The following WIPF3 variants were observed in gnomAD, a reference collection of about 807,000 sequenced individuals.
The protein encoded by WIPF3 is WAS/WASL-interacting protein family member 3.
A neutral mutation model predicts 38.9 loss-of-function variants in WIPF3; 33 were observed. The ratio of observed to expected loss-of-function variants is 0.85; its 90% CI spans 0.64 to 1.14. The LOEUF (loss-of-function observed/expected upper bound fraction) is 1.14, where lower values mean the gene tolerates loss of function less well. WIPF3 is among the 50% of genes most tolerant of loss of function. WIPF3 has a pLI of 0.00. For synonymous variants in WIPF3, 324 were observed against 269.3 expected, an observed-to-expected ratio of 1.20 and a Z score of -1.99; for missense variants, 711 against 652.5, an observed-to-expected ratio of 1.09 and a Z score of -0.98.
At chr7:29,816,711 GC>G (rs1017059222) in intron 1 of WIPF3, among the ~76,000 whole-genome samples, 29 of 152,114 alleles carry the variant, frequency 1.9e-4, no homozygotes, top group Middle Eastern at 3.4e-3. Context: ...TACATACAGG[GC>G]TGCCATATTC....
intron 1 of WIPF3, among the ~76,000 whole-genome samples, chr7:29,817,868 A>T (rs1784480339): frequency 6.6e-6 from 1 of 152,216 alleles, no homozygotes; most frequent in Non-Finnish European, 1.5e-5. Flanking sequence ...CCTTAAATTT[A>T]TACATTAATA....
At chr7:29,910,078 G>A (rs1464230801) in intron 8 of WIPF3, among the ~76,000 whole-genome samples, 1 of 152,084 alleles carries the variant, frequency 6.6e-6, no homozygotes, top group Admixed American at 6.5e-5. Context: ...ATAACTCAAA[G>A]AATATAACTG....
rs1443830601 is a variant in WIPF3, at chr7:29,806,512, G to C, written c.-224G>C. The stretch of plus-strand genomic sequence containing the variant: ...CCGCCTCCGCGTCCCGGCAGCACCA[G>C]AGCCGGTGGCCGGGGAGCGAGCCGG... On this transcript the variant is annotated 5_prime_UTR_variant, in exon 1 of 9. Transcript: ENST00000242140. 6.6e-6 allele frequency: 1 copy of C among 151,440 alleles called. No individual in the cohort carries two copies. Among genetic ancestry groups the C allele is most frequent in the Non-Finnish European group, 1.5e-5 (1 of 67,822 alleles). 9.4% of individuals were successfully genotyped at this position (151,440 alleles called of 1,614,324 possible).
In WIPF3 at chr7:29,833,084, G is replaced by T. The variant is rs532603155; in HGVS notation, c.-57-1584G>T. On this transcript the variant is annotated intron_variant, in intron 1 of 8. Coordinates refer to ENST00000242140, the MANE Select transcript of WIPF3 (RefSeq NM_001080529.3). ...AGACTCAAACGGACAAATGTTGTAT[G>T]GTTCCACATATATGAGGTACCTAGA... 1.3e-4 allele frequency among the ~76,000 whole-genome samples: 20 copies of T among 152,314 alleles called. No homozygotes were observed. The South Asian group carries it at 4.1e-3, about 32-fold the overall frequency.
At position 29,901,850 on chromosome 7, in the gene WIPF3, GAAAGAAAGAAAGA is replaced by G. The variant is rs1786286753; in HGVS notation, c.1352-2424_1352-2412del. ...CAAAAAAAAAAAAAAAAAAAAAAAA[GAAAGAAAGAAAGA>G]AAAGAAAGAAAACCAGTGGGAATTG... On this transcript the variant is annotated intron_variant, in intron 7 of 8. Coordinates refer to ENST00000242140, the MANE Select transcript of WIPF3 (RefSeq NM_001080529.3). Among the ~76,000 whole-genome samples, 42 of 28,312 alleles carry G rather than the reference GAAAGAAAGAAAGA, an allele frequency of 1.5e-3. 1 individual carries two copies. The South Asian group carries it at 0.049, about 33-fold the overall frequency. 18.6% of individuals were successfully genotyped at this position (28,312 alleles called of 152,430 possible).
intron 2 of WIPF3, among the ~76,000 whole-genome samples, chr7:29,849,072 C>G (rs1785048950): frequency 6.6e-6 from 1 of 152,038 alleles, no homozygotes; most frequent in Admixed American, 6.6e-5. Flanking sequence ...GTTCATAAGT[C>G]ATCTGCTTGA....
chr7:29,904,118 T>A (rs185159560), intron 7 of WIPF3, among the ~76,000 whole-genome samples, 168 bp from the exon 8 acceptor site: 71 of 152,332 alleles, frequency 4.7e-4, no homozygotes, highest in Admixed American at 2.2e-3. Context: ...CTCTTCTGCA[T>A]CCATGGTCTT....
At chr7:29,831,218 A>G (rs1170118030) in intron 1 of WIPF3, among the ~76,000 whole-genome samples, 1 of 152,222 alleles carries the variant, frequency 6.6e-6, no homozygotes, top group Non-Finnish European at 1.5e-5. Flanking sequence ...CTTAAGCCCA[A>G]GAAGGCCGTG....
intron 2 of WIPF3, among the ~76,000 whole-genome samples, chr7:29,861,366 A>T (rs78965810): frequency 0.018 from 2,755 of 152,282 alleles, 88 homozygotes; most frequent in African/African-American, 0.064. Context: ...CCATGAACAT[A>T]TGGACATAAC....
rs535336451 is a variant in WIPF3 at position 29,857,040 on chromosome 7, G to A, written c.91-18790G>A. Among the ~76,000 whole-genome samples, 3 of 152,242 alleles carry A rather than the reference G, an allele frequency of 2.0e-5. No individual in the cohort carries two copies. In the South Asian group the frequency reaches 6.2e-4, roughly 32 times the overall value. On this transcript the variant is annotated intron_variant, in intron 2 of 8. Coordinates refer to ENST00000242140, the MANE Select transcript of WIPF3 (RefSeq NM_001080529.3). The stretch of plus-strand genomic sequence containing the variant: ...TAATATGAAGTAATATATATTCATT[G>A]TAGCAAAGAATGTAGGCTGAGCGGG...
Position 29,917,037 on chromosome 7 carries a change from C to T in WIPF3, c.*2521C>T, listed in dbSNP as rs866873779. ...CCTTCCGCAGATTCATTTCTTTGTACTTAATAAACTTTAGTAAGTGGAAAT... is the reference window on the plus strand; with the variant it reads ...CCTTCCGCAGATTCATTTCTTTGTATTTAATAAACTTTAGTAAGTGGAAAT... On this transcript the variant is annotated 3_prime_UTR_variant, in exon 9 of 9. Transcript: ENST00000242140. 7.2e-5 allele frequency: 11 copies of T among 152,242 alleles called. No homozygotes were observed. In the South Asian group the frequency reaches 2.3e-3, roughly 32 times the overall value. The allele number at this position is 152,242 out of a possible 1,614,324, so 9.4% of individuals were successfully genotyped here. A position where few individuals can be genotyped will look rare whatever the true frequency, so the allele number is the denominator to read the frequency against.
At chr7:29,819,803 G>C (rs1784509695) in intron 1 of WIPF3, among the ~76,000 whole-genome samples, 1 of 151,914 alleles carries the variant, frequency 6.6e-6, no homozygotes, top group Non-Finnish European at 1.5e-5. Flanking sequence ...AAGTTTCTAA[G>C]TGATAGAATT....
chr7:29,910,098 T>C (rs1786478096), intron 8 of WIPF3, among the ~76,000 whole-genome samples: 2 of 152,176 alleles, frequency 1.3e-5, no homozygotes, highest in African/African-American at 4.8e-5. Context: ...GGATTGTCTG[T>C]AACCCAAAGA....
intron 1 of WIPF3, among the ~76,000 whole-genome samples, chr7:29,834,082 C>T (rs936996498): frequency 1.3e-5 from 2 of 152,166 alleles, no homozygotes; most frequent in Non-Finnish European, 2.9e-5. Context: ...GGCCCATCCT[C>T]ATCCAGATGG....
At position 29,827,887 on chromosome 7, in the gene WIPF3, C is replaced by T. The variant is rs527677717; in HGVS notation, c.-57-6781C>T. 4.6e-5 allele frequency among the ~76,000 whole-genome samples: 7 copies of T among 152,280 alleles called. 1 individual carries two copies. In the South Asian group the frequency reaches 1.5e-3, roughly 32 times the overall value. On this transcript the variant is annotated intron_variant, in intron 1 of 8. Coordinates refer to ENST00000242140, the MANE Select transcript of WIPF3 (RefSeq NM_001080529.3). ...GCAGCTTACTGCAGCCTTGACTTCC[C>T]CAGGCTCAGGTGATCTTCCCACCTC...
chr7:29,825,139 G>A (rs1347368221), intron 1 of WIPF3, among the ~76,000 whole-genome samples: 2 of 152,082 alleles, frequency 1.3e-5, no homozygotes, highest in African/African-American at 2.4e-5. Context: ...AAATTAAAGA[G>A]GTGGTCATTC....
intron 7 of WIPF3, among the ~76,000 whole-genome samples, chr7:29,898,589 TCCTC>T (rs2128079406): frequency 6.6e-6 from 1 of 152,212 alleles, no homozygotes; most frequent in South Asian, 2.1e-4. Flanking sequence ...TACGTGAACT[TCCTC>T]CCTCCCCTTT....
chr7:29,913,761 C>G (rs950222385), intron 8 of WIPF3, among the ~76,000 whole-genome samples: 1 of 152,220 alleles, frequency 6.6e-6, no homozygotes, highest in Non-Finnish European at 1.5e-5. Context: ...AGTGCTTCTT[C>G]CATAATGCCT....
chr7:29,853,730 G>A (rs1262960094), intron 2 of WIPF3, among the ~76,000 whole-genome samples: 2 of 152,168 alleles, frequency 1.3e-5, no homozygotes, highest in Admixed American at 1.3e-4. Flanking sequence ...CTGTGCCCTA[G>A]TTTCATTCTC....
Sources: gnomAD v4.1 joint callset for allele counts (sites outside exome capture counted in the v4.1 genomes callset) on GRCh38, gnomAD v4.1.1 for gene constraint, MANE v1.5 for transcripts, NCBI Gene and HGNC (gene_info 2026-07-23, HGNC 2026-07-21) for gene names.